RAP1A: variants seen among roughly 807,000 people sequenced by gnomAD.
The protein encoded by RAP1A is RAP1A, member of RAS oncogene family.
RAP1A carries 6 observed loss-of-function variants against 26.4 expected under a neutral mutation model. The observed-to-expected ratio is 0.23, with a 90% confidence interval of 0.12 to 0.45. The LOEUF (loss-of-function observed/expected upper bound fraction) is 0.45, where lower values mean the gene tolerates loss of function less well. RAP1A is among the 20% of genes least tolerant of loss of function. The pLI is 0.99. For missense variants in RAP1A, 121 were observed against 217.2 expected (o/e 0.56, Z 2.78); for synonymous variants, 73 against 79.4 (o/e 0.92, Z 0.43).
intron 1 of RAP1A, among the ~76,000 whole-genome samples, chr1:111,635,718 A>G (rs1659708025): frequency 1.3e-5 from 2 of 152,070 alleles, no homozygotes; most frequent in South Asian, 4.1e-4. Flanking sequence ...GGCTTGTGCC[A>G]CCACACCCAG....
At chr1:111,635,220 A>G (rs1659691443) in intron 1 of RAP1A, among the ~76,000 whole-genome samples, 1 of 152,176 alleles carries the variant, frequency 6.6e-6, no homozygotes, top group African/African-American at 2.4e-5. Context: ...TTGCCTTGGA[A>G]ACCTTTTGAT....
At chr1:111,585,197 G>C (rs1215372479) in intron 1 of RAP1A, among the ~76,000 whole-genome samples, 1 of 152,182 alleles carries the variant, frequency 6.6e-6, no homozygotes, top group Non-Finnish European at 1.5e-5. Context: ...CCTAGCTCCA[G>C]GGGAGGACTA....
At position 111,678,918 on chromosome 1, in the gene RAP1A, C is replaced by T. The variant is rs75079971; in HGVS notation, c.-27-12416C>T. On this transcript the variant is annotated intron_variant, in intron 1 of 7. Transcript: ENST00000369709. Reference sequence around the variant, plus strand: ...TTCTTCCTTTTGCATATGTACTATACCTAGCTTAGTGCAATGTCAATAGAA... The same window carrying T: ...TTCTTCCTTTTGCATATGTACTATATCTAGCTTAGTGCAATGTCAATAGAA... Among the ~76,000 whole-genome samples, 1,193 of 152,072 alleles carry T rather than the reference C, an allele frequency of 7.8e-3. 17 individuals are homozygous for T. Among genetic ancestry groups the T allele is most frequent in the African/African-American group, 0.028 (1,148 of 41,470 alleles).
At chr1:111,638,675 C>G (rs1393581467) in intron 1 of RAP1A, among the ~76,000 whole-genome samples, 1 of 152,164 alleles carries the variant, frequency 6.6e-6, no homozygotes, top group Non-Finnish European at 1.5e-5. Context: ...ATTCACCCAC[C>G]TTTGCCCCCC....
At chr1:111,646,249 A>G (rs115405450) in intron 1 of RAP1A, among the ~76,000 whole-genome samples, 1,850 of 152,134 alleles carry the variant, frequency 0.012, 37 homozygotes, top group African/African-American at 0.042. Context: ...CTCTCCCACA[A>G]CGTAACATGG....
rs928924017 is a variant in RAP1A at position 111,704,338 on chromosome 1, C to T, written c.325-5C>T. ...TGTTCATTTTACGTTTTTTTCTTCCCACAGGTTCCAATGATTTTGGTTGGC... is the reference window on the plus strand; with the variant it reads ...TGTTCATTTTACGTTTTTTTCTTCCTACAGGTTCCAATGATTTTGGTTGGC... On this transcript the variant is annotated splice_region_variant and splice_polypyrimidine_tract_variant and intron_variant, in intron 5 of 7. Coordinates refer to ENST00000369709, the MANE Select transcript of RAP1A (RefSeq NM_002884.4). 1 of 1,611,596 alleles carries T rather than the reference C, an allele frequency of 6.2e-7. No individual in the cohort carries two copies. Among genetic ancestry groups the T allele is most frequent in the Admixed American group, 1.7e-5 (1 of 59,602 alleles).
chr1:111,630,681 A>G (rs74742868), intron 1 of RAP1A, among the ~76,000 whole-genome samples: 2 of 152,180 alleles, frequency 1.3e-5, no homozygotes, highest in Non-Finnish European at 2.9e-5. Context: ...ATATAACAGT[A>G]TATAAGAAGA....
chr1:111,587,451 T>C (rs1658390929), intron 1 of RAP1A, among the ~76,000 whole-genome samples: 1 of 152,112 alleles, frequency 6.6e-6, no homozygotes, highest in Non-Finnish European at 1.5e-5. Context: ...TTTTCTCTAG[T>C]TCAAAACTAA....
intron 1 of RAP1A, among the ~76,000 whole-genome samples, chr1:111,662,045 G>A (rs1451096187): frequency 6.6e-6 from 1 of 152,010 alleles, no homozygotes; most frequent in Non-Finnish European, 1.5e-5. Flanking sequence ...CATCTCTCAT[G>A]AAGGCAGGGC....
At chr1:111,600,369 G>C (rs1233294818) in intron 1 of RAP1A, among the ~76,000 whole-genome samples, 1 of 152,196 alleles carries the variant, frequency 6.6e-6, no homozygotes, top group Non-Finnish European at 1.5e-5. Flanking sequence ...CAAGAACCAA[G>C]TCTCTGATCT....
At chr1:111,643,110 AG>A (rs1308685183) in intron 1 of RAP1A, among the ~76,000 whole-genome samples, 4 of 152,130 alleles carry the variant, frequency 2.6e-5, no homozygotes, top group African/African-American at 9.7e-5. Flanking sequence ...TAAGTACTTT[AG>A]GATTTTGGGG....
At chr1:111,547,659 A>C (rs1322789900) in intron 1 of RAP1A, among the ~76,000 whole-genome samples, 3 of 152,200 alleles carry the variant, frequency 2.0e-5, no homozygotes, top group African/African-American at 7.2e-5. Flanking sequence ...TGCCTTTTAC[A>C]GATTTTTTAA....
chr1:111,636,733 C>T (rs1244497821), intron 1 of RAP1A, among the ~76,000 whole-genome samples: 1 of 152,108 alleles, frequency 6.6e-6, no homozygotes, highest in Non-Finnish European at 1.5e-5. Flanking sequence ...CCGCCTTGGC[C>T]TCGCAAAGTG....
At chr1:111,687,750 A>G (rs967386887) in intron 1 of RAP1A, among the ~76,000 whole-genome samples, 1 of 152,018 alleles carries the variant, frequency 6.6e-6, no homozygotes, top group Non-Finnish European at 1.5e-5. Flanking sequence ...GTGCTGGCTC[A>G]TGCCTGTAAT....
intron 4 of RAP1A, among the ~76,000 whole-genome samples, chr1:111,699,479 T>TTTTG (rs374442188): frequency 3.6e-5 from 5 of 139,024 alleles, no homozygotes; most frequent in East Asian, 2.2e-4. Context: ...TTTTTTTTTT[T>TTTTG]GAAACAGGGT....
chr1:111,542,709 T>C (rs868337528), intron 1 of RAP1A, among the ~76,000 whole-genome samples: 2 of 152,148 alleles, frequency 1.3e-5, no homozygotes, highest in African/African-American at 2.4e-5. Context: ...TTTTTTTTCT[T>C]TTTTTGAGAT....
At chr1:111,673,898 GTGTT>G (rs1288630220) in intron 1 of RAP1A, among the ~76,000 whole-genome samples, 1 of 152,162 alleles carries the variant, frequency 6.6e-6, no homozygotes, top group Non-Finnish European at 1.5e-5. Flanking sequence ...GTGACCCATG[GTGTT>G]TGTTAGGTGT....
chr1:111,681,219 G>A (rs1408465188), intron 1 of RAP1A, among the ~76,000 whole-genome samples: 2 of 152,202 alleles, frequency 1.3e-5, no homozygotes, highest in Admixed American at 1.3e-4. Context: ...TTGCACTCCA[G>A]CCTGGACAAC....
intron 1 of RAP1A, among the ~76,000 whole-genome samples, chr1:111,640,808 C>A: frequency 6.6e-6 from 1 of 151,868 alleles, no homozygotes; most frequent in South Asian, 2.1e-4. Context: ...AAAATTAAAA[C>A]AAAAAATTAG....
Sources: allele counts gnomAD v4.1 joint callset (sites outside exome capture counted in the v4.1 genomes callset), GRCh38; gene constraint gnomAD v4.1.1; transcripts MANE v1.5; gene names NCBI Gene and HGNC (gene_info 2026-07-23, HGNC 2026-07-21).